The following ZNF333 variants were observed in gnomAD, a reference collection of about 807,000 sequenced individuals.
The protein encoded by ZNF333 is zinc finger protein 333.
A neutral mutation model predicts 76.1 loss-of-function variants in ZNF333; 61 were observed. The observed-to-expected ratio is 0.80, with a 90% CI of 0.65 to 0.99. The LOEUF (loss-of-function observed/expected upper bound fraction) is 0.99, where lower values mean the gene tolerates loss of function less well. Ranked by LOEUF, ZNF333 falls within the 50% of genes least tolerant of loss-of-function variation. ZNF333 has a pLI of 0.00. For missense variants in ZNF333, 717 were observed against 822.4 expected (o/e 0.87, Z 1.57); for synonymous variants, 284 against 305.0 (o/e 0.93, Z 0.72).
chr19:14,720,390 T>A lies in ZNF333; in HGVS notation c.*1065T>A. On this transcript the variant is annotated 3_prime_UTR_variant, in exon 12 of 12. Coordinates refer to ENST00000292530, the MANE Select transcript of ZNF333 (RefSeq NM_032433.4). The stretch of plus-strand genomic sequence containing the variant: ...GACAAGTAGACATGATTTCTAGACC[T>A]AGAGGAGCCCTCCTGTGACCATAAG... 1 of 985,366 alleles carries A rather than the reference T, an allele frequency of 1.0e-6. No homozygotes were observed. The highest frequency in any genetic ancestry group is 1.2e-6 in the Non-Finnish European group (1 of 829,920). 61.0% of individuals were successfully genotyped at this position (985,366 alleles called of 1,614,324 possible).
At chr19:14,705,986 C>A in intron 6 of ZNF333, 1 of 421,286 alleles carries the variant, frequency 2.4e-6, no homozygotes, top group Non-Finnish European at 4.8e-6. Flanking sequence ...CCCACTCGTC[C>A]CTGCCCTGTT....
At chr19:14,707,553 T>TC (rs2042148504) in intron 7 of ZNF333, among the ~76,000 whole-genome samples, 1 of 145,092 alleles carries the variant, frequency 6.9e-6, no homozygotes, top group Non-Finnish European at 1.5e-5. Context: ...TTGTTTCTTT[T>TC]TTTTTTTTTT....
chr19:14,725,286 G>A (rs1471547801), downstream of ZNF333, among the ~76,000 whole-genome samples: 1 of 152,128 alleles, frequency 6.6e-6, no homozygotes, highest in Non-Finnish European at 1.5e-5. Context: ...ATCCGAATAC[G>A]TCCCACCAGT....
intron 7 of ZNF333, among the ~76,000 whole-genome samples, chr19:14,714,021 C>T (rs1171567934): frequency 1.3e-5 from 2 of 152,002 alleles, no homozygotes; most frequent in Non-Finnish European, 1.5e-5. Context: ...GATTTCCCAG[C>T]ACGGATGGAG....
downstream of ZNF333, among the ~76,000 whole-genome samples, chr19:14,723,679 T>C (rs1394809162): frequency 1.3e-5 from 2 of 152,158 alleles, no homozygotes. Context: ...AATGCAACTG[T>C]TTTTTTGTGT....
rs71166784 is a variant in ZNF333 at position 14,691,676 on chromosome 19, C to CTTTTT, written c.-42+1540_-42+1544dup. 1.5e-3 allele frequency among the ~76,000 whole-genome samples: 186 copies of CTTTTT among 121,942 alleles called. 7 individuals are homozygous for CTTTTT. Among genetic ancestry groups the CTTTTT allele is most frequent in the African/African-American group, 3.0e-3 (97 of 31,838 alleles). The allele number at this position is 121,942 out of a possible 152,430, so 80.0% of individuals were successfully genotyped here. A position where few individuals can be genotyped will look rare whatever the true frequency, so the allele number is the denominator to read the frequency against. ...TTTGATTTTTATGGTGTCATATTGTCTTTTTTTTTTTTTTTTTTGAGACAG... is the reference window on the plus strand; with the variant it reads ...TTTGATTTTTATGGTGTCATATTGTCTTTTTTTTTTTTTTTTTTTTTTTGAGACAG... On this transcript the variant is annotated intron_variant, in intron 1 of 11. Transcript: ENST00000292530.
At chr19:14,690,172 G>C (rs1158383025) in intron 1 of ZNF333, 22 bp downstream of exon 1, 3 of 150,198 alleles carry the variant, frequency 2.0e-5, no homozygotes, top group Admixed American at 6.6e-5. Context: ...CCCCTCGGGA[G>C]GGCGGGGAGG....
Position 14,705,083 on chromosome 19 carries a change from G to A in ZNF333, c.336G>A (p.Leu112=). ...MGPGLFLRMQ[L]VPSIEERETP... ...CGGGGCTGTTCCTGAGGATGCAGCT[G>A]GTGCCCTCCATAGAAGAGAGGGAGA... Residue 112 remains leucine, a synonymous_variant, in exon 6 of 12, where the codon CTG becomes CTA. Coordinates refer to ENST00000292530, the MANE Select transcript of ZNF333 (RefSeq NM_032433.4). 12 of 1,613,992 alleles carry A rather than the reference G, an allele frequency of 7.4e-6. No homozygotes were observed. Among genetic ancestry groups the A allele is most frequent in the Non-Finnish European group, 1.0e-5 (12 of 1,179,932 alleles).
intron 11 of ZNF333, among the ~76,000 whole-genome samples, chr19:14,729,666 G>A (rs2042655490): frequency 6.6e-6 from 1 of 152,098 alleles, no homozygotes; most frequent in Non-Finnish European, 1.5e-5. Context: ...ACAAATTTCA[G>A]TTAGACAGGA....
chr19:14,725,973 T>C (rs2042630719), downstream of ZNF333, among the ~76,000 whole-genome samples: 1 of 152,198 alleles, frequency 6.6e-6, no homozygotes, highest in South Asian at 2.1e-4. Flanking sequence ...CCAATCCTAA[T>C]AGAGTTCCTC....
rs370460757 is a variant in ZNF333 at position 14,691,826 on chromosome 19, G to A, written c.-41-1625G>A. ...CAGGCAGCTGTGATTATAGGCGCCC[G>A]CCACCATGCCCGGCTAATTTTTGTA... On this transcript the variant is annotated intron_variant, in intron 1 of 11. Coordinates refer to ENST00000292530, the MANE Select transcript of ZNF333 (RefSeq NM_032433.4). Among the ~76,000 whole-genome samples, 54 of 152,014 alleles carry A rather than the reference G, an allele frequency of 3.6e-4. No individual in the cohort carries two copies. The South Asian group carries it at 7.3e-3, about 20-fold the overall frequency.
At position 14,717,071 on chromosome 19, in the gene ZNF333, C is replaced by G. The variant is rs1420359381; in HGVS notation, c.805C>G (p.Leu269Val). 1 of 1,607,752 alleles carries G rather than the reference C, an allele frequency of 6.2e-7. No individual in the cohort carries two copies. ...GEQWTTDRGV[L>V]SDTCAEPQCQ... ...GCAGTGGACCACTGACAGGGGCGTC[C>G]TCTCAGACACCTGTGCAGGTGAGCC... is the stretch of plus-strand genomic sequence containing the variant. Residue 269 changes from leucine (L) to valine (V), a missense_variant, in exon 10 of 12, where the codon CTC (leucine) becomes GTC (valine). Coordinates refer to ENST00000292530, the MANE Select transcript of ZNF333 (RefSeq NM_032433.4).
rs989942702 is a variant in ZNF333, at chr19:14,720,311, A to G, written c.*986A>G. The G allele has an allele frequency of 8.1e-6, 8 of 985,358 alleles. No individual in the cohort carries two copies. The African/African-American group carries it at 1.2e-4, about 15-fold the overall frequency. 61.0% of individuals were successfully genotyped at this position (985,358 alleles called of 1,614,324 possible). A position where few individuals can be genotyped will look rare whatever the true frequency, so the allele number is the denominator to read the frequency against. On this transcript the variant is annotated 3_prime_UTR_variant, in exon 12 of 12. Transcript: ENST00000292530. ...CACTGGATGTGACTCTGGGGAAGAT[A>G]TTGTGTTCAGGGATGGTTTCATGTA... is the stretch of plus-strand genomic sequence containing the variant.
At chr19:14,703,456 C>T (rs2042022146) in intron 5 of ZNF333, among the ~76,000 whole-genome samples, 1 of 152,156 alleles carries the variant, frequency 6.6e-6, no homozygotes, top group African/African-American at 2.4e-5. Flanking sequence ...GTTGAGTGAC[C>T]TGTGTCAAAA....
chr19:14,727,188 T>C (rs747807871), intron 11 of ZNF333, among the ~76,000 whole-genome samples: 9 of 151,958 alleles, frequency 5.9e-5, no homozygotes, highest in South Asian at 2.1e-4. Flanking sequence ...CCACCACGCC[T>C]GGCTAATTTT....
At chr19:14,722,207 T>G (rs1204351653), downstream of ZNF333, among the ~76,000 whole-genome samples, 2 of 152,250 alleles carry the variant, frequency 1.3e-5, no homozygotes, top group Admixed American at 6.5e-5. Context: ...CCACAATGAC[T>G]TCTTCTATCC....
intron 7 of ZNF333, among the ~76,000 whole-genome samples, chr19:14,711,652 A>T (rs901416039): frequency 1.3e-5 from 2 of 152,172 alleles, no homozygotes; most frequent in African/African-American, 4.8e-5. Flanking sequence ...CCCTGTCTCA[A>T]AAAAATTATA....
Position 14,702,801 on chromosome 19 carries a change from G to C in ZNF333, c.307-2253G>C, listed in dbSNP as rs184022427. Among the ~76,000 whole-genome samples the C allele has an allele frequency of 5.3e-5, 8 of 152,294 alleles. No individual in the cohort carries two copies. In the East Asian group the frequency reaches 1.5e-3, roughly 29 times the overall value. ...ATTGACTCACAGTTCAGCATGGCTG[G>C]GGAGGCCTCAGGAAACTTACAACAT... On this transcript the variant is annotated intron_variant, in intron 5 of 11. Coordinates refer to ENST00000292530, the MANE Select transcript of ZNF333 (RefSeq NM_032433.4).
At chr19:14,705,773 C>T (rs956207389) in intron 6 of ZNF333, among the ~76,000 whole-genome samples, 1 of 152,170 alleles carries the variant, frequency 6.6e-6, no homozygotes, top group African/African-American at 2.4e-5. Flanking sequence ...ACTGTGCATG[C>T]GAGGGATCTA....
Sources: gnomAD v4.1 joint callset for allele counts (sites outside exome capture counted in the v4.1 genomes callset) on GRCh38, gnomAD v4.1.1 for gene constraint, MANE v1.5 for transcripts, NCBI Gene and HGNC (gene_info 2026-07-23, HGNC 2026-07-21) for gene names.